The following TENM2 variants were observed in gnomAD, a reference collection of about 807,000 sequenced individuals.
TENM2 encodes the protein teneurin-2.
Under a neutral mutation model 245.2 loss-of-function variants are expected in TENM2, and 52 were observed. The ratio of observed to expected loss-of-function variants is 0.21; its 90% CI spans 0.17 to 0.27. The LOEUF (loss-of-function observed/expected upper bound fraction) is 0.27. Among genes scored for constraint, TENM2 ranks in the 10% least tolerant of loss-of-function variants. The pLI is 1.00. For missense variants in TENM2, 3,046 were observed against 3,666.8 expected (o/e 0.83, Z 4.37); for synonymous variants, 1,363 against 1,438.9 (o/e 0.95, Z 1.19).
At chr5:167,665,009 A>T (rs1182755571) in intron 2 of TENM2, among the ~76,000 whole-genome samples, 1 of 152,236 alleles carries the variant, frequency 6.6e-6, no homozygotes, top group Non-Finnish European at 1.5e-5. Flanking sequence ...CAAGTATCAT[A>T]AATCTTGTTG....
rs903799578 is a variant in TENM2, at chr5:167,499,972, G to C, written c.502+124499G>C. On this transcript the variant is annotated intron_variant, in intron 2 of 28. Transcript: ENST00000518659. Reference sequence around the variant, plus strand: ...TGTGTGTATGTACGTGTATGTGAGGGTGTGTGTGTGTATGTGTATGTGAGG... The same window carrying C: ...TGTGTGTATGTACGTGTATGTGAGGCTGTGTGTGTGTATGTGTATGTGAGG... 4.9e-3 allele frequency among the ~76,000 whole-genome samples: 433 copies of C among 87,552 alleles called. 14 individuals carry two copies. The highest frequency in any genetic ancestry group is 4.3e-3 in the Non-Finnish European group (186 of 43,526). The allele number at this position is 87,552 out of a possible 152,430, so 57.4% of individuals were successfully genotyped here. A position where few individuals can be genotyped will look rare whatever the true frequency, so the allele number is the denominator to read the frequency against.
intron 2 of TENM2, among the ~76,000 whole-genome samples, chr5:167,607,888 C>A (rs1280411351): frequency 6.6e-6 from 1 of 152,152 alleles, no homozygotes; most frequent in African/African-American, 2.4e-5. Context: ...CCCACCCGCC[C>A]CTACATAGCC....
intron 4 of TENM2, among the ~76,000 whole-genome samples, chr5:167,982,369 C>T (rs546636075): frequency 6.6e-6 from 1 of 152,246 alleles, no homozygotes; most frequent in African/African-American, 2.4e-5. Context: ...GCATCTAGTA[C>T]CATGTGATAT....
At chr5:167,045,031 G>T in the TENM2 span, among the ~76,000 whole-genome samples, 1 of 152,120 alleles carries the variant, frequency 6.6e-6, no homozygotes, top group African/African-American at 2.4e-5. Context: ...AGAATGGAGA[G>T]ACTGGACCTA....
chr5:167,667,627 A>G (rs1313279850), intron 2 of TENM2, among the ~76,000 whole-genome samples: 3 of 152,192 alleles, frequency 2.0e-5, no homozygotes, highest in African/African-American at 7.2e-5. Flanking sequence ...GGGAGGTTGG[A>G]GAAACAACTG....
chr5:167,868,836 A>G (rs932093181), intron 2 of TENM2, among the ~76,000 whole-genome samples: 1 of 152,240 alleles, frequency 6.6e-6, no homozygotes, highest in Admixed American at 6.5e-5. Context: ...CCTATGGTAC[A>G]GTCATGTATA....
intron 2 of TENM2, among the ~76,000 whole-genome samples, chr5:167,424,322 A>G (rs1265586068): frequency 6.6e-6 from 1 of 151,922 alleles, no homozygotes; most frequent in Non-Finnish European, 1.5e-5. Context: ...CCCCACCCCT[A>G]TTCTGCACAC....
intron 7 of TENM2, among the ~76,000 whole-genome samples, chr5:168,087,752 C>A (rs1203721191): frequency 4.6e-5 from 7 of 152,082 alleles, no homozygotes; most frequent in African/African-American, 1.7e-4. Flanking sequence ...AGTTTATGTT[C>A]TTAGTAGAAA....
chr5:167,061,001 A>C, the TENM2 span, among the ~76,000 whole-genome samples: 1 of 151,968 alleles, frequency 6.6e-6, no homozygotes, highest in East Asian at 1.9e-4. Flanking sequence ...TAGTGTTCTA[A>C]AATTTTTAGT....
At chr5:167,722,362 C>G (rs1290865727) in intron 2 of TENM2, among the ~76,000 whole-genome samples, 1 of 151,830 alleles carries the variant, frequency 6.6e-6, no homozygotes, top group East Asian at 1.9e-4. Context: ...GCTCATTTTC[C>G]AAGAGATAAG....
At chr5:167,194,348 C>G in the TENM2 span, among the ~76,000 whole-genome samples, 72 of 152,030 alleles carry the variant, frequency 4.7e-4, 3 homozygotes, top group Non-Finnish European at 7.4e-5. Context: ...CCCAAAGTCT[C>G]TCAGTTTCCT....
At chr5:167,879,620 AC>A (rs1342776181) in intron 3 of TENM2, among the ~76,000 whole-genome samples, 1 of 152,212 alleles carries the variant, frequency 6.6e-6, no homozygotes, top group Admixed American at 6.5e-5. Flanking sequence ...TATACAGGCA[AC>A]CACATTATCT....
At chr5:167,672,569 A>G (rs1055042642) in intron 2 of TENM2, among the ~76,000 whole-genome samples, 1 of 152,040 alleles carries the variant, frequency 6.6e-6, no homozygotes, top group Non-Finnish European at 1.5e-5. Context: ...CTTTCAGTAG[A>G]AGCTTAGAAT....
chr5:167,302,272 AAAT>A (rs1380235408), intron 1 of TENM2, among the ~76,000 whole-genome samples: 4 of 152,098 alleles, frequency 2.6e-5, no homozygotes, highest in Admixed American at 2.6e-4. Flanking sequence ...TTATAGAAGA[AAAT>A]AAGGCATTTA....
chr5:168,027,462 C>T (rs891504209), intron 5 of TENM2, among the ~76,000 whole-genome samples: 1 of 152,170 alleles, frequency 6.6e-6, no homozygotes, highest in African/African-American at 2.4e-5. Flanking sequence ...GAAAAAAGTG[C>T]TCAGCTCCAA....
At chr5:168,221,212 T>A (rs1763643677) in intron 23 of TENM2, among the ~76,000 whole-genome samples, 1 of 152,052 alleles carries the variant, frequency 6.6e-6, no homozygotes, top group Non-Finnish European at 1.5e-5. Flanking sequence ...GGGGGCAGAG[T>A]ACAAATCCCC....
chr5:167,668,955 A>AAAAT (rs1195618546), intron 2 of TENM2, among the ~76,000 whole-genome samples: 3 of 152,212 alleles, frequency 2.0e-5, no homozygotes, highest in Admixed American at 2.0e-4. Flanking sequence ...CCTTGTCTCA[A>AAAAT]AAATAAATAA....
At chr5:167,678,030 G>A (rs1340486792) in intron 2 of TENM2, among the ~76,000 whole-genome samples, 1 of 151,822 alleles carries the variant, frequency 6.6e-6, no homozygotes, top group Non-Finnish European at 1.5e-5. Context: ...TTATATTTGT[G>A]GTATATTGTA....
intron 4 of TENM2, among the ~76,000 whole-genome samples, chr5:167,971,774 G>A (rs1781813378): frequency 6.6e-6 from 1 of 152,200 alleles, no homozygotes; most frequent in South Asian, 2.1e-4. Context: ...TCATTTAAGT[G>A]AAGGGGTCAT....
Sources: gnomAD v4.1 joint callset for allele counts (sites outside exome capture counted in the v4.1 genomes callset) on GRCh38, gnomAD v4.1.1 for gene constraint, MANE v1.5 for transcripts, NCBI Gene and HGNC (gene_info 2026-07-23, HGNC 2026-07-21) for gene names.